The following CSMD1 variants were observed in gnomAD, a reference collection of about 807,000 sequenced individuals.
CSMD1 encodes the protein CUB and Sushi multiple domains 1.
In CSMD1, 213 loss-of-function variants were observed where a neutral mutation model predicts 417.5. The observed-to-expected ratio is 0.51, with a 90% CI of 0.46 to 0.57. The LOEUF (loss-of-function observed/expected upper bound fraction) is 0.57. Ranked by LOEUF, CSMD1 falls within the 20% of genes least tolerant of loss-of-function variation. The probability of loss-of-function intolerance (pLI) is 0.00; values close to 1 mark genes in which losing one functional copy is unlikely to be tolerated. For missense variants in CSMD1, 6,923 were observed against 4,529.7 expected (o/e 1.53, Z -15.17); for synonymous variants, 2,862 against 1,736.8 (o/e 1.65, Z -16.11).
intron 52 of CSMD1, among the ~76,000 whole-genome samples, chr8:3,006,211 AC>A (rs1807887223): frequency 6.6e-6 from 1 of 151,970 alleles, no homozygotes; most frequent in Admixed American, 6.6e-5. Context: ...AATCCAATTT[AC>A]AAGGGATGTG....
intron 50 of CSMD1, among the ~76,000 whole-genome samples, chr8:3,047,039 C>T (rs1308796225): frequency 1.3e-5 from 2 of 151,936 alleles, no homozygotes; most frequent in African/African-American, 2.4e-5. Context: ...GAAACCCTGT[C>T]TCTTCTAAAA....
chr8:3,413,658 C>A (rs554764505), intron 12 of CSMD1, among the ~76,000 whole-genome samples: 39 of 152,292 alleles, frequency 2.6e-4, no homozygotes, highest in Middle Eastern at 3.4e-3. Context: ...ACTTCTTACA[C>A]ACTGAGTGTC....
At position 4,379,493 on chromosome 8, in the gene CSMD1, G is replaced by C. The variant is rs890644368; in HGVS notation, c.415+40460C>G. Among the ~76,000 whole-genome samples the C allele has an allele frequency of 1.2e-3, 190 of 152,312 alleles. 2 individuals are homozygous for C. Among genetic ancestry groups the C allele is most frequent in the African/African-American group, 4.4e-3 (181 of 41,566 alleles). On this transcript the variant is annotated intron_variant, in intron 3 of 69. Transcript: ENST00000635120. ...CTTCAGTTTTGACAATTGCATTCTGGTTAATGTTAGCACTGGAAGGCAAGT... is the reference window on the plus strand; with the variant it reads ...CTTCAGTTTTGACAATTGCATTCTGCTTAATGTTAGCACTGGAAGGCAAGT...
intron 4 of CSMD1, among the ~76,000 whole-genome samples, chr8:4,025,246 T>C (rs980624715): frequency 2.6e-5 from 4 of 152,196 alleles, no homozygotes; most frequent in Admixed American, 1.3e-4. Context: ...TAAATACAAA[T>C]ATTTACCTGC....
intron 26 of CSMD1, among the ~76,000 whole-genome samples, chr8:3,262,018 A>C (rs569604721): frequency 6.6e-6 from 1 of 151,950 alleles, no homozygotes; most frequent in Non-Finnish European, 1.5e-5. Context: ...AAGTGTGCAC[A>C]GGGTCTCTGT....
chr8:2,964,741 A>C (rs1803806485), intron 59 of CSMD1, among the ~76,000 whole-genome samples: 1 of 152,210 alleles, frequency 6.6e-6, no homozygotes, highest in African/African-American at 2.4e-5. Flanking sequence ...AATACAAAGA[A>C]GGGAAGGCAA....
intron 3 of CSMD1, among the ~76,000 whole-genome samples, chr8:4,144,000 C>G (rs528015496): frequency 6.6e-6 from 1 of 151,192 alleles, no homozygotes; most frequent in Non-Finnish European, 1.5e-5. Context: ...ATCTGAGACA[C>G]GGTGGAAGGA....
At chr8:4,564,720 G>A (rs1798510049) in intron 2 of CSMD1, among the ~76,000 whole-genome samples, 1 of 152,164 alleles carries the variant, frequency 6.6e-6, no homozygotes, top group South Asian at 2.1e-4. Flanking sequence ...TGATAATAGT[G>A]AGGGCATTTT....
chr8:4,014,827 G>T (rs778466302), intron 4 of CSMD1, among the ~76,000 whole-genome samples: 1 of 152,040 alleles, frequency 6.6e-6, no homozygotes, highest in Admixed American at 6.5e-5. Context: ...AACCTAACAT[G>T]GTATCTGCAT....
chr8:4,594,533 T>G (rs993594389), intron 2 of CSMD1, among the ~76,000 whole-genome samples: 1 of 152,120 alleles, frequency 6.6e-6, no homozygotes, highest in Non-Finnish European at 1.5e-5. Flanking sequence ...GGTCACATTC[T>G]GAGTTATTGG....
chr8:4,280,832 T>C (rs1286405781), intron 3 of CSMD1, among the ~76,000 whole-genome samples: 4 of 152,204 alleles, frequency 2.6e-5, no homozygotes, highest in Admixed American at 1.3e-4. Flanking sequence ...ATTATAAGAC[T>C]TTTATCTTCA....
chr8:3,705,741 G>T (rs1457087233), intron 7 of CSMD1, among the ~76,000 whole-genome samples: 1 of 152,164 alleles, frequency 6.6e-6, no homozygotes, highest in Non-Finnish European at 1.5e-5. Context: ...AGAGAGGTTT[G>T]TGTGCTTGGA....
intron 2 of CSMD1, among the ~76,000 whole-genome samples, chr8:4,451,287 C>G (rs563039514): frequency 1.3e-5 from 2 of 152,102 alleles, no homozygotes; most frequent in East Asian, 3.9e-4. Flanking sequence ...TCCAACCAAT[C>G]ATGACTCCAT....
chr8:4,410,118 A>C lies in CSMD1; in HGVS notation c.415+9835T>G, dbSNP rs536813572. Among the ~76,000 whole-genome samples, 3 of 152,240 alleles carry C rather than the reference A, an allele frequency of 2.0e-5. No homozygotes were observed. The East Asian group carries it at 5.8e-4, about 29-fold the overall frequency. On this transcript the variant is annotated intron_variant, in intron 3 of 69. Transcript: ENST00000635120. ...CATGAGCCACCGTACCCGGTCCCAT[A>C]CTTTATAATCTTTGAAGCCATCTTC...
rs1172961763 is a variant in CSMD1 at position 4,197,511 on chromosome 8, G to C, written c.416-165412C>G. 3.3e-5 allele frequency among the ~76,000 whole-genome samples: 5 copies of C among 152,198 alleles called. 1 individual carries two copies. Among genetic ancestry groups the C allele is most frequent in the South Asian group, 4.1e-4 (2 of 4,830 alleles). ...GGAAAACTGACTCTCTGTCAAGTAA[G>C]ACAGAGTTCCCTTGCCTGATGGTCT... is the stretch of plus-strand genomic sequence containing the variant. On this transcript the variant is annotated intron_variant, in intron 3 of 69. Coordinates refer to ENST00000635120, the MANE Select transcript of CSMD1 (RefSeq NM_033225.6).
intron 1 of CSMD1, chr8:4,787,558 G>A (rs893783256): frequency 1.7e-5 from 24 of 1,447,932 alleles, no homozygotes; most frequent in Non-Finnish European, 2.2e-5. Context: ...GAAAATGTGG[G>A]GAGACAGCTT....
At chr8:3,292,695 C>T (rs998428856) in intron 25 of CSMD1, among the ~76,000 whole-genome samples, 1 of 152,092 alleles carries the variant, frequency 6.6e-6, no homozygotes, top group Non-Finnish European at 1.5e-5. Flanking sequence ...CTTCCTCCAT[C>T]CTTTTATTTT....
intron 3 of CSMD1, among the ~76,000 whole-genome samples, chr8:4,332,404 A>G (rs965378897): frequency 6.6e-6 from 1 of 152,146 alleles, no homozygotes; most frequent in African/African-American, 2.4e-5. Context: ...GGAGGATAGT[A>G]TAAATTCTTT....
chr8:3,799,622 T>C (rs966692982), intron 5 of CSMD1, among the ~76,000 whole-genome samples: 1 of 152,048 alleles, frequency 6.6e-6, no homozygotes, highest in Admixed American at 6.6e-5. Flanking sequence ...AGACCCCATT[T>C]GGCTTGTACT....
Sources: gnomAD v4.1 joint callset for allele counts (sites outside exome capture counted in the v4.1 genomes callset) on GRCh38, gnomAD v4.1.1 for gene constraint, MANE v1.5 for transcripts, NCBI Gene and HGNC (gene_info 2026-07-23, HGNC 2026-07-21) for gene names.